The following SYNPR variants were observed in gnomAD, a reference collection of about 807,000 sequenced individuals.
SYNPR encodes the protein synaptoporin.
A neutral mutation model predicts 32.9 loss-of-function variants in SYNPR; 23 were observed. The ratio of observed to expected loss-of-function variants is 0.70; its 90% CI spans 0.50 to 0.99. SYNPR has a LOEUF of 0.99. Ranked by LOEUF, SYNPR falls within the 50% of genes least tolerant of loss-of-function variation. The pLI, the probability that SYNPR is intolerant of heterozygous loss-of-function variation, is 0.00. For synonymous variants in SYNPR, 146 were observed against 135.9 expected, an observed-to-expected ratio of 1.07 and a Z score of -0.52; for missense variants, 318 against 349.3, an observed-to-expected ratio of 0.91 and a Z score of 0.71.
chr3:63,297,978 C>A (rs915838261), intron 2 of SYNPR, among the ~76,000 whole-genome samples: 1 of 152,052 alleles, frequency 6.6e-6, no homozygotes, highest in Non-Finnish European at 1.5e-5. Flanking sequence ...ACAGACCTTG[C>A]GACCTCTGGC....
At chr3:63,582,702 G>C (rs1703112359) in intron 4 of SYNPR, among the ~76,000 whole-genome samples, 1 of 152,086 alleles carries the variant, frequency 6.6e-6, no homozygotes, top group Admixed American at 6.6e-5. Context: ...CACAGTCACA[G>C]TAAGGCATAA....
At chr3:63,402,767 G>A (rs1339222212) in intron 2 of SYNPR, among the ~76,000 whole-genome samples, 1 of 152,194 alleles carries the variant, frequency 6.6e-6, no homozygotes, top group African/African-American at 2.4e-5. Context: ...CCCAGTTCCT[G>A]GTACAGAGTG....
At chr3:63,371,673 G>C (rs1373852172) in intron 2 of SYNPR, among the ~76,000 whole-genome samples, 2 of 152,224 alleles carry the variant, frequency 1.3e-5, no homozygotes, top group Non-Finnish European at 2.9e-5. Flanking sequence ...CTGCCCCACA[G>C]AGAAGTGGCC....
intron 2 of SYNPR, among the ~76,000 whole-genome samples, chr3:63,259,486 C>G (rs1464269815): frequency 2.0e-5 from 3 of 152,164 alleles, no homozygotes; most frequent in Non-Finnish European, 4.4e-5. Flanking sequence ...ATGATTATCT[C>G]AATAGATGCA....
At chr3:63,433,474 G>T in intron 2 of SYNPR, among the ~76,000 whole-genome samples, 1 of 152,122 alleles carries the variant, frequency 6.6e-6, no homozygotes, top group Non-Finnish European at 1.5e-5. Flanking sequence ...ATGGCATTTT[G>T]GACTGTTCTA....
intron 2 of SYNPR, among the ~76,000 whole-genome samples, chr3:63,335,895 G>A (rs2087287436): frequency 6.8e-6 from 1 of 147,932 alleles, no homozygotes; most frequent in African/African-American, 2.5e-5. Context: ...TTCTGCCTCA[G>A]CCTCCCCAGT....
chr3:63,240,059 G>T (rs982978348), intron 1 of SYNPR, among the ~76,000 whole-genome samples: 6 of 152,088 alleles, frequency 3.9e-5, no homozygotes, highest in African/African-American at 1.2e-4. Context: ...GACAGGGGAG[G>T]TTATTTGATC....
intron 3 of SYNPR, among the ~76,000 whole-genome samples, chr3:63,514,343 T>C (rs1021900913): frequency 6.6e-6 from 1 of 152,222 alleles, no homozygotes; most frequent in African/African-American, 2.4e-5. Flanking sequence ...CCATTGCACA[T>C]CTTTACACCT....
chr3:63,566,978 C>T (rs1702800274), intron 4 of SYNPR, among the ~76,000 whole-genome samples: 2 of 152,170 alleles, frequency 1.3e-5, no homozygotes, highest in South Asian at 2.1e-4. Context: ...TGGATGGGTA[C>T]ACACTCTATT....
chr3:63,516,707 T>G (rs1701807088), intron 3 of SYNPR, among the ~76,000 whole-genome samples: 1 of 152,134 alleles, frequency 6.6e-6, no homozygotes, highest in Non-Finnish European at 1.5e-5. Flanking sequence ...TAATACTCAG[T>G]TATATACAAC....
intron 2 of SYNPR, among the ~76,000 whole-genome samples, chr3:63,373,938 A>G (rs1269064098): frequency 2.0e-5 from 3 of 152,220 alleles, no homozygotes; most frequent in Admixed American, 6.5e-5. Context: ...AGAATTGATA[A>G]AGAGAGAAAT....
At chr3:63,437,434 C>A (rs889035073) in intron 2 of SYNPR, among the ~76,000 whole-genome samples, 2 of 151,920 alleles carry the variant, frequency 1.3e-5, no homozygotes, top group Non-Finnish European at 2.9e-5. Context: ...TTGTGTTAGT[C>A]GGGTTTCAGG....
chr3:63,447,593 T>G (rs1700301475), intron 2 of SYNPR, among the ~76,000 whole-genome samples: 1 of 152,168 alleles, frequency 6.6e-6, no homozygotes, highest in Non-Finnish European at 1.5e-5. Flanking sequence ...GAGCCTGAAA[T>G]CAGCACATGA....
At chr3:63,344,737 C>T (rs1031416351) in intron 2 of SYNPR, among the ~76,000 whole-genome samples, 5 of 151,740 alleles carry the variant, frequency 3.3e-5, no homozygotes, top group Admixed American at 1.3e-4. Flanking sequence ...AATGCAGAGC[C>T]GGCCAAGTGG....
intron 2 of SYNPR, among the ~76,000 whole-genome samples, chr3:63,309,329 T>C (rs931932133): frequency 6.6e-6 from 1 of 152,028 alleles, no homozygotes; most frequent in Non-Finnish European, 1.5e-5. Context: ...TCAATTTCAA[T>C]TGATTCTTCT....
In SYNPR at chr3:63,556,758, T is replaced by G; in HGVS notation, c.408+17T>G. ...CCACTCATTGTAAGTGGTTTTCTTTTTCAAATAACTTTTTCTGTTCCTTCT... is the reference window on the plus strand; with the variant it reads ...CCACTCATTGTAAGTGGTTTTCTTTGTCAAATAACTTTTTCTGTTCCTTCT... On this transcript the variant is annotated intron_variant, in intron 4 of 5. Transcript: ENST00000478300. The G allele has an allele frequency of 6.3e-7, 1 of 1,590,484 alleles. No homozygotes were observed. The highest frequency in any genetic ancestry group is 1.1e-5 in the South Asian group (1 of 87,064).
intron 4 of SYNPR, among the ~76,000 whole-genome samples, chr3:63,568,399 C>T (rs1702829774): frequency 6.6e-6 from 1 of 152,162 alleles, no homozygotes; most frequent in Non-Finnish European, 1.5e-5. Context: ...GCTTATTGAG[C>T]ATCTGCTGTG....
chr3:63,547,119 C>A (rs1456807459), intron 3 of SYNPR, among the ~76,000 whole-genome samples: 9 of 152,054 alleles, frequency 5.9e-5, no homozygotes, highest in Admixed American at 3.9e-4. Context: ...TGTACTAGAT[C>A]GTTTTATATT....
chr3:63,265,776 A>G (rs1301577006), intron 2 of SYNPR, among the ~76,000 whole-genome samples: 1 of 152,202 alleles, frequency 6.6e-6, no homozygotes, highest in Non-Finnish European at 1.5e-5. Flanking sequence ...TGGGCTGTGA[A>G]TATCACCACT....
Sources: gnomAD v4.1 joint callset for allele counts (sites outside exome capture counted in the v4.1 genomes callset) on GRCh38, gnomAD v4.1.1 for gene constraint, MANE v1.5 for transcripts, NCBI Gene and HGNC (gene_info 2026-07-23, HGNC 2026-07-21) for gene names.